HPSE2: variants seen among roughly 807,000 people sequenced by gnomAD.
HPSE2 encodes heparanase 2 (inactive).
HPSE2 carries 38 observed loss-of-function variants against 60.5 expected under a neutral mutation model. The observed-to-expected ratio is 0.63, with a 90% CI of 0.48 to 0.82. The LOEUF (loss-of-function observed/expected upper bound fraction) is 0.82. HPSE2 is among the 40% of genes least tolerant of loss of function. HPSE2 has a pLI of 0.00. For synonymous variants in HPSE2, 295 were observed against 293.2 expected, an observed-to-expected ratio of 1.01 and a Z score of -0.06; for missense variants, 713 against 740.4, an observed-to-expected ratio of 0.96 and a Z score of 0.43.
chr10:98,612,975 G>C (rs115318207), intron 9 of HPSE2, among the ~76,000 whole-genome samples: 1 of 152,046 alleles, frequency 6.6e-6, no homozygotes, highest in South Asian at 2.1e-4. Flanking sequence ...TTCCGCAAAC[G>C]TGCCAAGTTT....
At chr10:98,464,200 A>C (rs1341401631) in intron 11 of HPSE2, among the ~76,000 whole-genome samples, 2 of 152,252 alleles carry the variant, frequency 1.3e-5, no homozygotes, top group East Asian at 1.9e-4. Flanking sequence ...AGTTCATTTA[A>C]AACTGTTCTT....
Position 99,235,768 on chromosome 10 carries a change from G to A in HPSE2, c.35C>T (p.Pro12Leu). 2 of 1,613,766 alleles carry A rather than the reference G, an allele frequency of 1.2e-6. No individual in the cohort carries two copies. The highest frequency in any genetic ancestry group is 8.5e-7 in the Non-Finnish European group (1 of 1,179,930). Residue 12 changes from proline (P) to leucine (L), a missense_variant, in exon 1 of 12, where the codon CCC becomes CTC. Pro to Leu is a moderately conservative substitution (Grantham distance 98). Coordinates refer to ENST00000370552, the MANE Select transcript of HPSE2 (RefSeq NM_021828.5). ...RVLCAFPEAM[P>L]SSNSRPPACL... ...CGCGGGGGGGCGGGAGTTGCTGGAG[G>A]GCATGGCTTCAGGGAAGGCACAAAG...
At position 98,641,844 on chromosome 10, in the gene HPSE2, C is replaced by T; in HGVS notation, c.1098+3G>A. The T allele has an allele frequency of 1.2e-6, 2 of 1,608,388 alleles. No homozygotes were observed. The highest frequency in any genetic ancestry group is 1.7e-6 in the Non-Finnish European group (2 of 1,174,870). On this transcript the variant is annotated splice_donor_region_variant and intron_variant, in intron 7 of 11. Coordinates refer to ENST00000370552, the MANE Select transcript of HPSE2 (RefSeq NM_021828.5). The stretch of plus-strand genomic sequence containing the variant: ...CTTTTCTTCCCAGGATACTTTTACT[C>T]ACTTTCTGAATTTTCCTAATCTGGT...
intron 9 of HPSE2, among the ~76,000 whole-genome samples, chr10:98,576,795 T>A (rs57455933): frequency 0.56 from 85,615 of 151,690 alleles, 24,388 homozygotes; most frequent in Middle Eastern, 0.65. Flanking sequence ...TGCTCTAATC[T>A]CAGCCCTTGT....
chr10:99,001,604 T>G (rs970277047), intron 3 of HPSE2, among the ~76,000 whole-genome samples: 1 of 152,028 alleles, frequency 6.6e-6, no homozygotes, highest in Non-Finnish European at 1.5e-5. Context: ...CCAAAAAAAC[T>G]ACTGACAGAA....
chr10:98,856,944 T>C (rs1020074893), intron 3 of HPSE2, among the ~76,000 whole-genome samples: 2 of 152,186 alleles, frequency 1.3e-5, no homozygotes, highest in Admixed American at 1.3e-4. Flanking sequence ...AGTGACCCGA[T>C]GGGCAATCTA....
intron 3 of HPSE2, among the ~76,000 whole-genome samples, chr10:98,753,961 T>C (rs1372599306): frequency 6.6e-6 from 1 of 152,104 alleles, no homozygotes; most frequent in Non-Finnish European, 1.5e-5. Flanking sequence ...TCTTCTTACC[T>C]CCAAATGACC....
At chr10:98,605,060 T>C (rs1482110867) in intron 9 of HPSE2, among the ~76,000 whole-genome samples, 1 of 152,224 alleles carries the variant, frequency 6.6e-6, no homozygotes, top group Admixed American at 6.5e-5. Flanking sequence ...TACAAATATC[T>C]GCCAATGACG....
At position 98,597,986 on chromosome 10, in the gene HPSE2, A is replaced by AG. The variant is rs1449874494; in HGVS notation, c.1320+16917_1320+16918insC. ...ACTCCATCTCAAAAAAAAAAAAAAA[A>AG]AAAAAAAAAAAATTGCTCTTTTGAT... On this transcript the variant is annotated intron_variant, in intron 9 of 11. Transcript: ENST00000370552. 2.0e-4 allele frequency among the ~76,000 whole-genome samples: 30 copies of AG among 151,276 alleles called. No homozygotes were observed. In the East Asian group the frequency reaches 4.1e-3, roughly 21 times the overall value.
chr10:99,148,064 A>G (rs1261584332), intron 2 of HPSE2, among the ~76,000 whole-genome samples: 1 of 152,224 alleles, frequency 6.6e-6, no homozygotes, highest in African/African-American at 2.4e-5. Flanking sequence ...AGTCAGTGCT[A>G]TGATATTGCT....
At chr10:98,519,589 C>T (rs1289280883) in intron 9 of HPSE2, among the ~76,000 whole-genome samples, 1 of 152,230 alleles carries the variant, frequency 6.6e-6, no homozygotes, top group Non-Finnish European at 1.5e-5. Context: ...GAAGCTGAGC[C>T]AGTGGAGAAA....
intron 3 of HPSE2, among the ~76,000 whole-genome samples, chr10:99,091,264 T>C (rs1044506981): frequency 3.3e-5 from 5 of 152,118 alleles, no homozygotes; most frequent in African/African-American, 7.2e-5. Flanking sequence ...CAAAGAGACA[T>C]AGAACTACAA....
chr10:98,471,489 C>A (rs917456193), intron 11 of HPSE2, among the ~76,000 whole-genome samples: 3 of 152,028 alleles, frequency 2.0e-5, no homozygotes, highest in Admixed American at 6.5e-5. Flanking sequence ...GAATTTATTT[C>A]GAATAAAAAG....
chr10:98,571,929 G>T (rs987053748), intron 9 of HPSE2, among the ~76,000 whole-genome samples: 1 of 104,602 alleles, frequency 9.6e-6, no homozygotes, highest in Admixed American at 1.2e-4. Context: ...CAGAGCAAGA[G>T]AATTCCTTTT....
At chr10:99,040,890 T>A (rs941854345) in intron 3 of HPSE2, among the ~76,000 whole-genome samples, 3 of 151,972 alleles carry the variant, frequency 2.0e-5, no homozygotes, top group African/African-American at 7.3e-5. Flanking sequence ...ATCGAGACCA[T>A]CCTGGCTAAC....
intron 4 of HPSE2, among the ~76,000 whole-genome samples, chr10:98,726,346 G>C (rs918948732): frequency 3.9e-5 from 6 of 152,028 alleles, no homozygotes; most frequent in African/African-American, 1.4e-4. Context: ...GGACATGGAT[G>C]AAGCTGGAAA....
At chr10:98,716,442 A>AAAAT (rs35131766) in intron 5 of HPSE2, among the ~76,000 whole-genome samples, 6,792 of 148,016 alleles carry the variant, frequency 0.046, 349 homozygotes, top group East Asian at 0.17. Flanking sequence ...ATAATAATAA[A>AAAAT]AAATAAATAA....
intron 4 of HPSE2, among the ~76,000 whole-genome samples, chr10:98,733,704 A>G (rs1183483541): frequency 6.6e-6 from 1 of 152,208 alleles, no homozygotes; most frequent in Non-Finnish European, 1.5e-5. Flanking sequence ...ACTAAATACT[A>G]TGCAAATATA....
At chr10:98,924,553 T>G (rs1954389887) in intron 3 of HPSE2, 1 of 152,152 alleles carries the variant, frequency 6.6e-6, no homozygotes, top group South Asian at 2.1e-4. Context: ...ACAAAGTCCC[T>G]CCTATTCTTC....
Sources: allele counts gnomAD v4.1 joint callset (sites outside exome capture counted in the v4.1 genomes callset), GRCh38; gene constraint gnomAD v4.1.1; transcripts MANE v1.5; gene names NCBI Gene and HGNC (gene_info 2026-07-23, HGNC 2026-07-21).